Variants in ITIH5 observed in about 807,000 individuals in gnomAD.
ITIH5 encodes inter-alpha-trypsin inhibitor heavy chain H5.
ITIH5 carries 65 observed loss-of-function variants against 77.5 expected under a neutral mutation model. The ratio of observed to expected loss-of-function variants is 0.84; its 90% CI spans 0.69 to 1.03. The LOEUF is 1.03. Ranked by LOEUF, ITIH5 falls within the 50% of genes least tolerant of loss-of-function variation. ITIH5 has a pLI of 0.00. For synonymous variants in ITIH5, 525 were observed against 494.3 expected (o/e 1.06, Z -0.82); for missense variants, 1,208 against 1,213.1 (o/e 1.00, Z 0.06).
In ITIH5 at chr10:7,580,035, C is replaced by G. The variant is rs760969495; in HGVS notation, c.1138G>C (p.Ala380Pro). 6.2e-7 allele frequency: 1 copy of G among 1,610,226 alleles called. No individual in the cohort carries two copies. The highest frequency in any genetic ancestry group is 8.5e-7 in the Non-Finnish European group (1 of 1,178,958). The change falls in exon 9 of 14, where the codon GCC becomes CCC. Residue 380 changes from alanine (A) to proline (P), a missense_variant. Transcript: ENST00000397146. ...GTDINGALQR[A>P]IRLLNKYVAH... Reference sequence around the variant, plus strand: ...ACGTACTTGTTGAGGAGCCTGATGGCCCTCTGCAGGGCCCCGTTGATGTCT... The same window carrying G: ...ACGTACTTGTTGAGGAGCCTGATGGGCCTCTGCAGGGCCCCGTTGATGTCT...
At chr10:7,565,531 C>T (rs1395062201) in intron 13 of ITIH5, among the ~76,000 whole-genome samples, 2 of 149,332 alleles carry the variant, frequency 1.3e-5, no homozygotes, top group Non-Finnish European at 3.0e-5. Flanking sequence ...TGTATATATA[C>T]ATACTTATCA....
At chr10:7,565,448 T>C (rs1395200841) in intron 13 of ITIH5, among the ~76,000 whole-genome samples, 1 of 150,638 alleles carries the variant, frequency 6.6e-6, no homozygotes, top group African/African-American at 2.4e-5. Context: ...AGACTGTGTA[T>C]ATATACACAC....
chr10:7,640,261 C>T (rs913936238), intron 4 of ITIH5, among the ~76,000 whole-genome samples: 2 of 151,030 alleles, frequency 1.3e-5, no homozygotes, highest in African/African-American at 2.4e-5. Flanking sequence ...GCTTGAGCCC[C>T]GAAGTTTGAG....
chr10:7,566,300 T>C lies in ITIH5; in HGVS notation c.2257A>G (p.Arg753Gly), dbSNP rs1564231824. Residue 753 changes from arginine (R) to glycine (G), a missense_variant, in exon 13 of 14, where the codon AGA becomes GGA. Arg to Gly is a moderately radical substitution (Grantham distance 125). Coordinates refer to ENST00000397146, the MANE Select transcript of ITIH5 (RefSeq NM_030569.7). ...CTCGGTGTGATCTCGAGATAAGATC[T>C]CTCTGGCTTGTTGATGAGGATGGTG... is the stretch of plus-strand genomic sequence containing the variant. The part of the protein sequence containing the change: ...TITILINKPE[R>G]SYLEITPSRV... 1 of 1,613,702 alleles carries C rather than the reference T, an allele frequency of 6.2e-7. No individual in the cohort carries two copies. Among genetic ancestry groups the C allele is most frequent in the South Asian group, 1.1e-5 (1 of 90,994 alleles).
chr10:7,645,267 T>C (rs1833993387), intron 2 of ITIH5, among the ~76,000 whole-genome samples: 1 of 151,622 alleles, frequency 6.6e-6, no homozygotes, highest in Non-Finnish European at 1.5e-5. Flanking sequence ...AAAATCTGAG[T>C]ATTGTTGAAA....
chr10:7,559,961 C>T lies in ITIH5; in HGVS notation c.*3122G>A. The stretch of plus-strand genomic sequence containing the variant: ...CCGACTGCCTGGTTCAAGCGATTCT[C>T]CTGCCTCAGCCTCCCAAGTAGCTGG... On this transcript the variant is annotated 3_prime_UTR_variant, in exon 14 of 14. Transcript: ENST00000397146. The T allele has an allele frequency of 2.4e-6, 1 of 410,008 alleles. No homozygotes were observed. 25.4% of individuals were successfully genotyped at this position (410,008 alleles called of 1,614,324 possible).
At position 7,586,122 on chromosome 10, in the gene ITIH5, G is replaced by A. The variant is rs546578996; in HGVS notation, c.940-53C>T. The A allele has an allele frequency of 8.6e-6, 13 of 1,512,948 alleles. No homozygotes were observed. In the East Asian group the frequency reaches 2.8e-4, roughly 33 times the overall value. The allele number at this position is 1,512,948 out of a possible 1,614,324, so 93.7% of individuals were successfully genotyped here. ...CACAGCTGCTCACATAAGTCCACTT[G>A]TCCCCTGTTCTAGAAACCGCCCCCG... is the stretch of plus-strand genomic sequence containing the variant. On this transcript the variant is annotated intron_variant, in intron 7 of 13. Transcript: ENST00000397146.
rs138504077 is a variant in ITIH5, at chr10:7,580,571, C to A, written c.1109-507G>T. ...GGATTATCCCACTGTAACAAACCTT[C>A]TCCAGAAGGCATGTGGCGACGCCTT... is the stretch of plus-strand genomic sequence containing the variant. On this transcript the variant is annotated intron_variant, in intron 8 of 13. Coordinates refer to ENST00000397146, the MANE Select transcript of ITIH5 (RefSeq NM_030569.7). Among the ~76,000 whole-genome samples the A allele has an allele frequency of 7.9e-5, 12 of 152,362 alleles. No individual in the cohort carries two copies. The East Asian group carries it at 2.3e-3, about 29-fold the overall frequency.
rs747827901 is a variant in ITIH5 at position 7,594,461 on chromosome 10, G to A, written c.940-8392C>T. ...CAGGTACCCCCAAAACATACATGTT[G>A]GAGTCATGAAGTTAATTCCTTAAAA... On this transcript the variant is annotated intron_variant, in intron 7 of 13. Coordinates refer to ENST00000397146, the MANE Select transcript of ITIH5 (RefSeq NM_030569.7). Among the ~76,000 whole-genome samples, 13 of 152,160 alleles carry A rather than the reference G, an allele frequency of 8.5e-5. 1 individual carries two copies. The highest frequency in any genetic ancestry group is 2.4e-4 in the African/African-American group (10 of 41,424).
chr10:7,637,173 G>A (rs1420037584), intron 5 of ITIH5, 55 bp downstream of exon 5: 1 of 1,563,732 alleles, frequency 6.4e-7, no homozygotes, highest in Non-Finnish European at 8.6e-7. Flanking sequence ...CGAAGCCAAG[G>A]ACCAGCTGGG....
At chr10:7,620,161 A>G (rs1833450866) in intron 5 of ITIH5, 1 of 151,846 alleles carries the variant, frequency 6.6e-6, no homozygotes, top group South Asian at 2.1e-4. Flanking sequence ...CAACAAGAGC[A>G]AAATTCCATC....
At chr10:7,644,746 A>C (rs182484352) in intron 2 of ITIH5, among the ~76,000 whole-genome samples, 199 of 122,504 alleles carry the variant, frequency 1.6e-3, no homozygotes, top group Non-Finnish European at 2.1e-3. Context: ...TATCACATAT[A>C]TATCACATAT....
Position 7,580,027 on chromosome 10 carries a change from C to T in ITIH5, c.1146G>A (p.Arg382=). ...DINGALQRAI[R]LLNKYVAHSG... ...TGTGGGCCACGTACTTGTTGAGGAG[C>T]CTGATGGCCCTCTGCAGGGCCCCGT... Residue 382 remains arginine, a synonymous_variant, in exon 9 of 14, where the codon AGG becomes AGA. Coordinates refer to ENST00000397146, the MANE Select transcript of ITIH5 (RefSeq NM_030569.7). The T allele has an allele frequency of 1.2e-6, 2 of 1,611,886 alleles. No individual in the cohort carries two copies. Among genetic ancestry groups the T allele is most frequent in the Non-Finnish European group, 1.7e-6 (2 of 1,179,392 alleles).
chr10:7,627,399 G>A (rs1254879678), intron 5 of ITIH5, among the ~76,000 whole-genome samples: 14 of 151,730 alleles, frequency 9.2e-5, no homozygotes, highest in Admixed American at 7.9e-4. Flanking sequence ...TGAAATGCAG[G>A]ACACTGTGCT....
chr10:7,566,167 G>T lies in ITIH5; in HGVS notation c.2390C>A (p.Thr797Asn). Residue 797 changes from threonine to asparagine, a missense_variant, in exon 13 of 14, where the codon ACC (threonine) becomes AAC (asparagine). Thr to Asn is a moderately conservative substitution (Grantham distance 65). Transcript: ENST00000397146. ...GGCTATGGAGCCCTGGATGGTGACG[G>T]TGACATTGGCGTTGGCAGACACGGA... is the stretch of plus-strand genomic sequence containing the variant. ...EVSVSANANV[T>N]VTIQGSIAFV... 1 of 1,614,112 alleles carries T rather than the reference G, an allele frequency of 6.2e-7. No homozygotes were observed. The highest frequency in any genetic ancestry group is 8.5e-7 in the Non-Finnish European group (1 of 1,180,028).
chr10:7,608,865 G>A (rs4747542), intron 7 of ITIH5, among the ~76,000 whole-genome samples: 147,277 of 152,300 alleles, frequency 0.97, 71,346 homozygotes, highest in Middle Eastern at 1. Flanking sequence ...GAACAGCTTC[G>A]TGAGTTTTTC....
chr10:7,618,613 T>C lies in ITIH5; in HGVS notation c.653-1331A>G, dbSNP rs1833415830. 5 of 152,334 alleles carry C rather than the reference T, an allele frequency of 3.3e-5. No homozygotes were observed. The South Asian group carries it at 1.0e-3, about 32-fold the overall frequency. The allele number at this position is 152,334 out of a possible 1,614,324, so 9.4% of individuals were successfully genotyped here. On this transcript the variant is annotated intron_variant, in intron 5 of 13. Coordinates refer to ENST00000397146, the MANE Select transcript of ITIH5 (RefSeq NM_030569.7). Reference sequence around the variant, plus strand: ...ATCATAAGGGCATGTGGAGGCTTTTTATCCAGATATTGAATCAAAGCCAGA... The same window carrying C: ...ATCATAAGGGCATGTGGAGGCTTTTCATCCAGATATTGAATCAAAGCCAGA...
intron 11 of ITIH5, 146 bp from the exon 12 acceptor site, chr10:7,569,930 G>A (rs1035431272): frequency 5.5e-6 from 3 of 547,036 alleles, no homozygotes; most frequent in South Asian, 5.7e-5. Flanking sequence ...ATTTCCAGAT[G>A]AGGAAGATGA....
Position 7,612,896 on chromosome 10 carries a change from C to T in ITIH5, c.939+3086G>A, listed in dbSNP as rs189955765. Among the ~76,000 whole-genome samples the T allele has an allele frequency of 3.9e-3, 587 of 152,284 alleles. 13 individuals are homozygous for T. Among genetic ancestry groups the T allele is most frequent in the Non-Finnish European group, 7.5e-4 (51 of 68,018 alleles). ...TGGTTATTCTTCTGTCAGCATCGAT[C>T]ATGCAGCCATCAATGTCACAAAACA... On this transcript the variant is annotated intron_variant, in intron 7 of 13. Transcript: ENST00000397146.
Sources: gnomAD v4.1 joint callset for allele counts (sites outside exome capture counted in the v4.1 genomes callset) on GRCh38, gnomAD v4.1.1 for gene constraint, MANE v1.5 for transcripts, NCBI Gene and HGNC (gene_info 2026-07-23, HGNC 2026-07-21) for gene names.